Variants in DGKK observed in about 807,000 individuals in gnomAD.
The protein encoded by DGKK is diacylglycerol kinase kappa.
In DGKK, 35 loss-of-function variants were observed where a neutral mutation model predicts 92.2. The observed-to-expected ratio is 0.38, with a 90% confidence interval of 0.29 to 0.50. DGKK has a LOEUF of 0.50. Among genes scored for constraint, DGKK ranks in the 20% least tolerant of loss-of-function variants. The pLI is 0.92. For synonymous variants in DGKK, 368 were observed against 360.6 expected, an observed-to-expected ratio of 1.02 and a Z score of -0.23; for missense variants, 910 against 992.2, an observed-to-expected ratio of 0.92 and a Z score of 1.11.
intron 1 of DGKK, among the ~76,000 whole-genome samples, chrX:50,446,053 G>A (rs1926298672): frequency 1.8e-5 from 2 of 111,270 alleles, no homozygotes; most frequent in Non-Finnish European, 3.8e-5. Flanking sequence ...ATGGTGAATG[G>A]AATTGCGTTC....
In DGKK at chrX:50,380,086, A is replaced by T. The variant is rs1924379501; in HGVS notation, c.2658-9T>A. 8.5e-7 allele frequency: 1 copy of T among 1,180,102 alleles called. No individual in the cohort carries two copies. The highest frequency in any genetic ancestry group is 1.2e-6 in the Non-Finnish European group (1 of 868,359). ...TGTTCTTAAGGCGGCTACTACATGG[A>T]GGTAAGCATTAAGAAAGCAGAGGGT... On this transcript the variant is annotated splice_polypyrimidine_tract_variant and intron_variant, in intron 18 of 27. Transcript: ENST00000611977.
At chrX:50,432,317 A>G (rs782188596) in intron 1 of DGKK, among the ~76,000 whole-genome samples, 1 of 112,565 alleles carries the variant, frequency 8.9e-6, no homozygotes, top group African/African-American at 3.2e-5. Context: ...TAATGATGCT[A>G]TACGTATTTA....
intron 1 of DGKK, among the ~76,000 whole-genome samples, chrX:50,427,073 T>C: frequency 8.9e-6 from 1 of 112,284 alleles, no homozygotes; most frequent in Non-Finnish European, 1.9e-5. Flanking sequence ...GTTTTATTCA[T>C]AATTGCCAAA....
At position 50,405,587 on chromosome X, in the gene DGKK, G is replaced by C. The variant is rs781942686; in HGVS notation, c.943-1403C>G. Reference sequence around the variant, plus strand: ...GCTACTGAGGGCTCTAGCACATTAAGTATTCATCCTTGATCAATTTACATG... The same window carrying C: ...GCTACTGAGGGCTCTAGCACATTAACTATTCATCCTTGATCAATTTACATG... On this transcript the variant is annotated intron_variant, in intron 4 of 27. Transcript: ENST00000611977. Among the ~76,000 whole-genome samples, 3 of 109,147 alleles carry C rather than the reference G, an allele frequency of 2.7e-5. No homozygotes were observed. In the East Asian group the frequency reaches 8.8e-4, roughly 32 times the overall value. 94.8% of individuals were successfully genotyped at this position (109,147 alleles called of 115,157 possible). A position where few individuals can be genotyped will look rare whatever the true frequency, so the allele number is the denominator to read the frequency against.
intron 25 of DGKK, among the ~76,000 whole-genome samples, chrX:50,373,121 G>A (rs980891331): frequency 3.6e-5 from 4 of 112,239 alleles, no homozygotes; most frequent in Non-Finnish European, 5.6e-5. Flanking sequence ...TAGATGCACG[G>A]GACATGTGTG....
chrX:50,404,359 T>C (rs782509902), intron 4 of DGKK, among the ~76,000 whole-genome samples, 175 bp from the exon 5 acceptor site: 1 of 110,531 alleles, frequency 9.0e-6, no homozygotes, highest in South Asian at 3.9e-4. Flanking sequence ...TTTGTGTGCG[T>C]TTTTGTTTGT....
intron 21 of DGKK, 104 bp downstream of exon 21, chrX:50,378,474 A>G: frequency 6.1e-6 from 5 of 824,740 alleles, no homozygotes. Context: ...TGCTCACTCC[A>G]CCCTGGCATT....
At chrX:50,385,476 G>A (rs1205799844) in intron 15 of DGKK, among the ~76,000 whole-genome samples, 1 of 112,039 alleles carries the variant, frequency 8.9e-6, no homozygotes, top group East Asian at 2.8e-4. Context: ...GGTTGGTTGC[G>A]ACAGTTATGG....
intron 3 of DGKK, 73 bp from the exon 4 acceptor site, chrX:50,420,580 C>CAGA: frequency 6.6e-6 from 6 of 906,812 alleles, no homozygotes; most frequent in Non-Finnish European, 9.5e-6. Context: ...TGTGAACTCT[C>CAGA]TAAGAAACTA....
At chrX:50,380,667 G>C (rs1924392538) in intron 18 of DGKK, among the ~76,000 whole-genome samples, 1 of 111,415 alleles carries the variant, frequency 9.0e-6, no homozygotes, top group Admixed American at 9.6e-5. Context: ...CAGGTGACTT[G>C]AGGTGGAGGT....
At chrX:50,438,496 T>C (rs1926089780) in intron 1 of DGKK, among the ~76,000 whole-genome samples, 1 of 111,630 alleles carries the variant, frequency 9.0e-6, no homozygotes, top group Non-Finnish European at 1.9e-5. Flanking sequence ...CCTAGACACA[T>C]TTCTACTCAT....
intron 8 of DGKK, among the ~76,000 whole-genome samples, chrX:50,397,562 C>T (rs960170140): frequency 1.8e-5 from 2 of 111,490 alleles, no homozygotes; most frequent in Admixed American, 1.9e-4. Context: ...TTTCCTGGGC[C>T]CCACCCAGAT....
At chrX:50,429,859 T>C (rs1925844252) in intron 1 of DGKK, among the ~76,000 whole-genome samples, 1 of 112,282 alleles carries the variant, frequency 8.9e-6, no homozygotes, top group African/African-American at 3.2e-5. Context: ...CAAGATTGAC[T>C]GGAAGAGTAA....
At chrX:50,465,202 G>A (rs1926863937) in intron 1 of DGKK, among the ~76,000 whole-genome samples, 3 of 110,958 alleles carry the variant, frequency 2.7e-5, no homozygotes, top group Non-Finnish European at 5.7e-5. Flanking sequence ...TTTTTCTTTG[G>A]GGGATATAAG....
intron 4 of DGKK, among the ~76,000 whole-genome samples, chrX:50,408,052 A>G (rs1262668364): frequency 8.9e-6 from 1 of 112,896 alleles, no homozygotes; most frequent in African/African-American, 3.2e-5. Context: ...AGAGGCCAGC[A>G]AGGCTGCCGA....
chrX:50,424,148 T>C, intron 2 of DGKK, 100 bp downstream of exon 2: 1 of 751,875 alleles, frequency 1.3e-6, no homozygotes, highest in Non-Finnish European at 1.9e-6. Context: ...ACTTCCACCC[T>C]AATGTTTGCT....
chrX:50,386,632 G>T (rs1924550149), intron 14 of DGKK, 46 bp from the exon 15 acceptor site: 13 of 1,075,850 alleles, frequency 1.2e-5, no homozygotes, highest in Non-Finnish European at 1.7e-5. Flanking sequence ...AGGGACCCAT[G>T]CTTGAGAGGA....
At chrX:50,459,285 G>A (rs1332609262) in intron 1 of DGKK, among the ~76,000 whole-genome samples, 2 of 111,041 alleles carry the variant, frequency 1.8e-5, no homozygotes, top group African/African-American at 3.3e-5. Flanking sequence ...TAACAGACAA[G>A]CAGATACTTT....
chrX:50,389,652 A>C (rs1467320279), intron 12 of DGKK, among the ~76,000 whole-genome samples: 1 of 112,039 alleles, frequency 8.9e-6, no homozygotes, highest in Non-Finnish European at 1.9e-5. Flanking sequence ...ACTGTGGTTT[A>C]TCAGGCCCTT....
Sources: gnomAD v4.1 joint callset for allele counts (sites outside exome capture counted in the v4.1 genomes callset) on GRCh38, gnomAD v4.1.1 for gene constraint, MANE v1.5 for transcripts, NCBI Gene and HGNC (gene_info 2026-07-23, HGNC 2026-07-21) for gene names.